CHST11: variants seen among roughly 807,000 people sequenced by gnomAD.
The protein encoded by CHST11 is C4S-1.
A neutral mutation model predicts 30.4 loss-of-function variants in CHST11; 9 were observed. That is an observed-to-expected ratio of 0.30 (90% confidence interval 0.18 to 0.52). CHST11 has a LOEUF of 0.52. CHST11 is among the 20% of genes least tolerant of loss of function. The pLI is 0.97. For missense variants in CHST11, 348 were observed against 460.6 expected (o/e 0.76, Z 2.24); for synonymous variants, 152 against 187.8 (o/e 0.81, Z 1.56).
chr12:104,549,860 TCTCA>T (rs1230625479), intron 1 of CHST11, among the ~76,000 whole-genome samples: 1 of 152,114 alleles, frequency 6.6e-6, no homozygotes, highest in East Asian at 1.9e-4. Context: ...TGAGCTGTGA[TCTCA>T]CTATTGCATT....
intron 2 of CHST11, among the ~76,000 whole-genome samples, chr12:104,717,993 A>C (rs1254911009): frequency 6.6e-6 from 1 of 152,212 alleles, no homozygotes; most frequent in African/African-American, 2.4e-5. Context: ...AGTAAAAGAC[A>C]ATAGGGCAGT....
intron 1 of CHST11, among the ~76,000 whole-genome samples, chr12:104,571,774 G>A (rs1188035606): frequency 6.6e-6 from 1 of 152,208 alleles, no homozygotes. Flanking sequence ...GTGACAGAGG[G>A]CATCCCTGTC....
chr12:104,658,597 G>A (rs149751017), intron 2 of CHST11, among the ~76,000 whole-genome samples: 3 of 152,298 alleles, frequency 2.0e-5, no homozygotes, highest in African/African-American at 7.2e-5. Flanking sequence ...ATCTGGAGAG[G>A]GGGAGGTAGC....
At chr12:104,495,290 A>C (rs986519961) in intron 1 of CHST11, among the ~76,000 whole-genome samples, 1 of 152,022 alleles carries the variant, frequency 6.6e-6, no homozygotes, top group African/African-American at 2.4e-5. Flanking sequence ...TAGGTGTGTA[A>C]ATATCTCTCC....
chr12:104,641,893 TG>T, intron 2 of CHST11, among the ~76,000 whole-genome samples: 1 of 152,282 alleles, frequency 6.6e-6, no homozygotes, highest in East Asian at 1.9e-4. Context: ...CCTAAAGCCA[TG>T]GTTCTCAACC....
chr12:104,608,683 A>C lies in CHST11; in HGVS notation c.204+6692A>C, dbSNP rs115260195. 4.9e-3 allele frequency among the ~76,000 whole-genome samples: 747 copies of C among 152,326 alleles called. 3 individuals carry two copies. Among genetic ancestry groups the C allele is most frequent in the African/African-American group, 0.014 (583 of 41,570 alleles). On this transcript the variant is annotated intron_variant, in intron 2 of 2. Transcript: ENST00000303694. The stretch of plus-strand genomic sequence containing the variant: ...GTCACAATGCAGGACATAACCCATT[A>C]TGTGAAAAGCAACTCAAAGCATACA...
intron 1 of CHST11, among the ~76,000 whole-genome samples, chr12:104,581,100 A>T: frequency 6.6e-6 from 1 of 152,224 alleles, no homozygotes; most frequent in Non-Finnish European, 1.5e-5. Context: ...GACCTTGGAC[A>T]TGCAGGAGCT....
intron 2 of CHST11, among the ~76,000 whole-genome samples, chr12:104,710,400 C>T (rs1275379316): frequency 6.6e-6 from 1 of 152,148 alleles, no homozygotes; most frequent in Admixed American, 6.5e-5. Flanking sequence ...GTGGCACTTC[C>T]GTGGGCTCTC....
chr12:104,730,661 A>G (rs2040249775), intron 2 of CHST11, among the ~76,000 whole-genome samples: 1 of 137,186 alleles, frequency 7.3e-6, no homozygotes, highest in African/African-American at 2.4e-5. Context: ...GCGAGAGGAC[A>G]TTCCAGGTGG....
intron 2 of CHST11, among the ~76,000 whole-genome samples, chr12:104,748,222 T>C (rs1429548498): frequency 6.6e-6 from 1 of 152,212 alleles, no homozygotes; most frequent in Non-Finnish European, 1.5e-5. Flanking sequence ...CTGTGTTTTG[T>C]AATTAAGTAT....
chr12:104,740,945 C>T (rs963201613), intron 2 of CHST11, among the ~76,000 whole-genome samples: 4 of 152,320 alleles, frequency 2.6e-5, no homozygotes, highest in East Asian at 1.9e-4. Flanking sequence ...GAGAATGGGC[C>T]GTCCTTCTTG....
chr12:104,517,476 A>T (rs1447466597), intron 1 of CHST11, among the ~76,000 whole-genome samples: 1 of 152,114 alleles, frequency 6.6e-6, no homozygotes, highest in Non-Finnish European at 1.5e-5. Context: ...CATCACTTGT[A>T]CACCAGAGCT....
intron 1 of CHST11, among the ~76,000 whole-genome samples, chr12:104,592,657 G>A (rs1401114065): frequency 2.0e-5 from 3 of 152,194 alleles, no homozygotes; most frequent in African/African-American, 7.2e-5. Flanking sequence ...GTCAGAATCA[G>A]TTTTGAGGAT....
intron 1 of CHST11, among the ~76,000 whole-genome samples, chr12:104,595,256 T>C (rs1016019156): frequency 6.6e-6 from 1 of 152,140 alleles, no homozygotes; most frequent in Non-Finnish European, 1.5e-5. Flanking sequence ...TGTGTTATTA[T>C]TAGAAAATGA....
chr12:104,677,105 G>A (rs11112160), intron 2 of CHST11, among the ~76,000 whole-genome samples: 5,575 of 152,288 alleles, frequency 0.037, 183 homozygotes, highest in East Asian at 0.2. Flanking sequence ...TGACTGTTGA[G>A]AGCACAAAAT....
intron 2 of CHST11, among the ~76,000 whole-genome samples, chr12:104,612,399 T>TC (rs1177249340): frequency 6.6e-6 from 1 of 152,192 alleles, no homozygotes; most frequent in African/African-American, 2.4e-5. Flanking sequence ...CACATGGTGC[T>TC]CCCCCTGTGT....
intron 1 of CHST11, among the ~76,000 whole-genome samples, chr12:104,511,223 T>C (rs2037962182): frequency 6.6e-6 from 1 of 152,206 alleles, no homozygotes; most frequent in African/African-American, 2.4e-5. Context: ...TGTTTAATAA[T>C]AGAATCTCTT....
At chr12:104,631,906 T>G (rs1387759592) in intron 2 of CHST11, among the ~76,000 whole-genome samples, 1 of 152,168 alleles carries the variant, frequency 6.6e-6, no homozygotes, top group Admixed American at 6.5e-5. Context: ...TCCCCCTTAT[T>G]CAGTCCCTTG....
intron 1 of CHST11, among the ~76,000 whole-genome samples, chr12:104,582,320 T>C (rs1201985875): frequency 1.3e-5 from 2 of 152,142 alleles, no homozygotes; most frequent in Admixed American, 6.5e-5. Context: ...CTAACACCCT[T>C]AGAGCCTACC....
Sources: allele counts gnomAD v4.1 joint callset (sites outside exome capture counted in the v4.1 genomes callset), GRCh38; gene constraint gnomAD v4.1.1; transcripts MANE v1.5; gene names NCBI Gene and HGNC (gene_info 2026-07-23, HGNC 2026-07-21).